The following LCLAT1 variants were observed in gnomAD, a reference collection of about 807,000 sequenced individuals.
LCLAT1 encodes 1-AGP acyltransferase 8.
In LCLAT1, 11 loss-of-function variants were observed where a neutral mutation model predicts 30.7. The observed-to-expected ratio is 0.36, with a 90% confidence interval of 0.23 to 0.59. LCLAT1 has a LOEUF of 0.59. LCLAT1 is among the 20% of genes least tolerant of loss of function. The pLI is 0.77. For synonymous variants in LCLAT1, 155 were observed against 151.3 expected (o/e 1.02, Z -0.18); for missense variants, 402 against 458.6 (o/e 0.88, Z 1.13).
At chr2:30,554,561 A>G (rs778863475) in intron 3 of LCLAT1, among the ~76,000 whole-genome samples, 1 of 152,166 alleles carries the variant, frequency 6.6e-6, no homozygotes, top group Non-Finnish European at 1.5e-5. Context: ...TCATCCATAA[A>G]ATAGGGATAA....
intron 1 of LCLAT1, among the ~76,000 whole-genome samples, chr2:30,476,025 A>G (rs13393150): frequency 0.13 from 19,321 of 152,202 alleles, 1,361 homozygotes; most frequent in South Asian, 0.23. Context: ...CAGCCAATAA[A>G]TATTGAACAT....
intron 1 of LCLAT1, chr2:30,476,521 G>A (rs766480029): frequency 1.1e-5 from 5 of 456,256 alleles, no homozygotes; most frequent in South Asian, 7.7e-5. Context: ...TAGGTTGCAT[G>A]TTCCTTAGGA....
intron 1 of LCLAT1, among the ~76,000 whole-genome samples, chr2:30,483,020 G>A (rs1169769675): frequency 6.6e-6 from 1 of 152,158 alleles, no homozygotes; most frequent in Non-Finnish European, 1.5e-5. Context: ...GAACCCTGGT[G>A]CAGAAGAACA....
chr2:30,593,480 G>C (rs1212603350), intron 5 of LCLAT1, among the ~76,000 whole-genome samples: 1 of 152,164 alleles, frequency 6.6e-6, no homozygotes, highest in East Asian at 1.9e-4. Flanking sequence ...AAATCAAGCA[G>C]TGTGGTGCCT....
chr2:30,456,232 C>T (rs1681828109), intron 1 of LCLAT1, among the ~76,000 whole-genome samples: 1 of 152,142 alleles, frequency 6.6e-6, no homozygotes, highest in South Asian at 2.1e-4. Flanking sequence ...TCTACTGACA[C>T]CACTGGGAGG....
At chr2:30,523,714 A>G (rs1042589343) in intron 1 of LCLAT1, among the ~76,000 whole-genome samples, 1 of 152,204 alleles carries the variant, frequency 6.6e-6, no homozygotes, top group Non-Finnish European at 1.5e-5. Context: ...CTAAAAATAC[A>G]AAAATCAGAT....
At chr2:30,513,741 G>T (rs1397177609) in intron 1 of LCLAT1, among the ~76,000 whole-genome samples, 1 of 152,106 alleles carries the variant, frequency 6.6e-6, no homozygotes, top group African/African-American at 2.4e-5. Flanking sequence ...ATATCTGCTT[G>T]CCTTCTGTGG....
intron 2 of LCLAT1, among the ~76,000 whole-genome samples, chr2:30,526,184 CTG>C (rs372121468): frequency 1.4e-4 from 21 of 150,510 alleles, no homozygotes; most frequent in African/African-American, 3.7e-4. Flanking sequence ...AAATTTTAGA[CTG>C]TTATTTTTTT....
chr2:30,486,009 A>T (rs1266997725), intron 1 of LCLAT1, among the ~76,000 whole-genome samples: 3 of 152,068 alleles, frequency 2.0e-5, no homozygotes. Context: ...CTTTCTGCTC[A>T]CTCCCTGATA....
At chr2:30,468,099 C>A (rs1682543419) in intron 1 of LCLAT1, among the ~76,000 whole-genome samples, 1 of 152,152 alleles carries the variant, frequency 6.6e-6, no homozygotes, top group South Asian at 2.1e-4. Context: ...TTTAATCCGT[C>A]TTGAATTAAT....
At chr2:30,609,478 T>C (rs892416266) in intron 5 of LCLAT1, among the ~76,000 whole-genome samples, 6 of 152,168 alleles carry the variant, frequency 3.9e-5, no homozygotes, top group Non-Finnish European at 8.8e-5. Flanking sequence ...ATTTGTGATG[T>C]TACCTTTATC....
intron 3 of LCLAT1, among the ~76,000 whole-genome samples, chr2:30,536,826 A>T (rs538609165): frequency 6.6e-6 from 1 of 152,390 alleles, no homozygotes; most frequent in East Asian, 1.9e-4. Flanking sequence ...ATAACTGGAA[A>T]TCAATTTAAA....
intron 5 of LCLAT1, among the ~76,000 whole-genome samples, chr2:30,613,540 GAA>G (rs1404400266): frequency 2.0e-5 from 3 of 150,212 alleles, no homozygotes; most frequent in South Asian, 2.1e-4. Context: ...ATTTGGAAAA[GAA>G]AAAGACACAG....
chr2:30,635,592 G>C (rs1465706600), intron 5 of LCLAT1, among the ~76,000 whole-genome samples: 1 of 151,864 alleles, frequency 6.6e-6, no homozygotes, highest in African/African-American at 2.4e-5. Flanking sequence ...AAAAACTTTT[G>C]GAATATTACC....
At chr2:30,518,723 T>G (rs961394577) in intron 1 of LCLAT1, among the ~76,000 whole-genome samples, 6 of 152,220 alleles carry the variant, frequency 3.9e-5, no homozygotes, top group African/African-American at 1.4e-4. Context: ...CAGAATGGTT[T>G]ACAGTCCTGG....
intron 5 of LCLAT1, among the ~76,000 whole-genome samples, chr2:30,597,111 G>A (rs1208700584): frequency 2.7e-5 from 4 of 147,812 alleles, no homozygotes; most frequent in African/African-American, 9.9e-5. Flanking sequence ...GCTTAAGATT[G>A]TCTTGGCTAT....
intron 5 of LCLAT1, among the ~76,000 whole-genome samples, chr2:30,598,414 CTTTTTTT>C (rs58514140): frequency 5.9e-5 from 8 of 135,948 alleles, no homozygotes; most frequent in Non-Finnish European, 1.1e-4. Context: ...TCTAGATTTT[CTTTTTTT>C]TTTTTTTTAT....
At chr2:30,574,916 A>G (rs994545745) in intron 5 of LCLAT1, among the ~76,000 whole-genome samples, 2 of 152,210 alleles carry the variant, frequency 1.3e-5, no homozygotes, top group African/African-American at 4.8e-5. Context: ...GTCCTTAGAA[A>G]ACAATGAGGA....
At chr2:30,541,138 G>A (rs1379989612) in intron 3 of LCLAT1, among the ~76,000 whole-genome samples, 2 of 151,872 alleles carry the variant, frequency 1.3e-5, no homozygotes, top group African/African-American at 2.4e-5. Context: ...TTTTTTTCTA[G>A]TGGAACTACT....
Sources: gnomAD v4.1 joint callset for allele counts (sites outside exome capture counted in the v4.1 genomes callset) on GRCh38, gnomAD v4.1.1 for gene constraint, MANE v1.5 for transcripts, NCBI Gene and HGNC (gene_info 2026-07-23, HGNC 2026-07-21) for gene names.